PTCHD4: variants seen among roughly 807,000 people sequenced by gnomAD.
PTCHD4 encodes patched domain containing 4, also known as patched domain-containing protein 4.
In PTCHD4, 33 loss-of-function variants were observed where a neutral mutation model predicts 58.1. That is an observed-to-expected ratio of 0.57 (90% CI 0.43 to 0.76). The LOEUF is 0.76. Among genes scored for constraint, PTCHD4 ranks in the 30% least tolerant of loss-of-function variants. The pLI, the probability that PTCHD4 is intolerant of heterozygous loss-of-function variation, is 0.00. For missense variants in PTCHD4, 1,058 were observed against 1,027.1 expected (o/e 1.03, Z -0.41); for synonymous variants, 478 against 409.6 (o/e 1.17, Z -2.02).
chr6:47,937,620 A>C (rs542338900), intron 4 of PTCHD4, among the ~76,000 whole-genome samples: 1 of 152,178 alleles, frequency 6.6e-6, no homozygotes, highest in Non-Finnish European at 1.5e-5. Context: ...GAGGTTCAGG[A>C]CATAGGTTTG....
chr6:48,063,769 C>G (rs1764707753), intron 3 of PTCHD4, among the ~76,000 whole-genome samples: 1 of 152,114 alleles, frequency 6.6e-6, no homozygotes, highest in Non-Finnish European at 1.5e-5. Flanking sequence ...AAGCTTAAAT[C>G]AAAATATCAG....
Position 47,878,495 on chromosome 6 carries a change from T to TG in PTCHD4, c.2339dup (p.Leu781ThrfsTer49). The TG allele has an allele frequency of 6.2e-7, 1 of 1,613,374 alleles. No individual in the cohort carries two copies. The highest frequency in any genetic ancestry group is 1.1e-5 in the South Asian group (1 of 91,052). On this transcript the variant is annotated frameshift_variant, in exon 5 of 5. Transcript: ENST00000339488. LOFTEE classifies it high-confidence loss of function. ...CAGTGAGCAGCAAGCATTTGAACAGTGTGAAGGTCAGGTTCGAAGGCACAA... is the reference window on the plus strand; with the variant it reads ...CAGTGAGCAGCAAGCATTTGAACAGTGGTGAAGGTCAGGTTCGAAGGCACAA...
intron 3 of PTCHD4, among the ~76,000 whole-genome samples, chr6:48,011,424 T>C (rs1762669423): frequency 6.7e-6 from 1 of 148,648 alleles, no homozygotes; most frequent in Admixed American, 6.7e-5. Flanking sequence ...TTTTGATGTT[T>C]TTTTTTCTTG....
At chr6:47,898,552 A>C (rs866845711) in intron 4 of PTCHD4, among the ~76,000 whole-genome samples, 1 of 152,208 alleles carries the variant, frequency 6.6e-6, no homozygotes, top group Non-Finnish European at 1.5e-5. Flanking sequence ...AAATTCAGCA[A>C]CAATTAAATG....
At chr6:47,882,693 CAGTT>C (rs1311147425) in intron 4 of PTCHD4, among the ~76,000 whole-genome samples, 2 of 135,494 alleles carry the variant, frequency 1.5e-5, no homozygotes, top group African/African-American at 5.2e-5. Context: ...TGTTAAGGGT[CAGTT>C]AAAGTCTCCT....
At chr6:48,036,029 T>C (rs1763622133) in intron 3 of PTCHD4, among the ~76,000 whole-genome samples, 1 of 152,116 alleles carries the variant, frequency 6.6e-6, no homozygotes, top group Non-Finnish European at 1.5e-5. Context: ...AATAACATTT[T>C]TTTTTTAACA....
intron 4 of PTCHD4, among the ~76,000 whole-genome samples, chr6:47,923,080 G>C (rs182052321): frequency 7.7e-4 from 117 of 152,282 alleles, no homozygotes; most frequent in African/African-American, 2.7e-3. Context: ...GGAGTATAGA[G>C]AGAAAGTGAT....
rs1763748409 is a variant in PTCHD4, at chr6:47,872,675, G to A, written c.*5628C>T. Among the ~76,000 whole-genome samples, 1 of 151,538 alleles carries A rather than the reference G, an allele frequency of 6.6e-6. No individual in the cohort carries two copies. The highest frequency in any genetic ancestry group is 6.6e-5 in the Admixed American group (1 of 15,166). ...AGCTGGCTTTCTATAATTTAAGATA[G>A]TGCAAAATCAGTGATAGTTTCCTTT... On this transcript the variant is annotated 3_prime_UTR_variant, in exon 5 of 5. Coordinates refer to ENST00000339488, the MANE Select transcript of PTCHD4 (RefSeq NM_001384253.1).
In PTCHD4 at chr6:47,947,124, C is replaced by T. The variant is rs574261716; in HGVS notation, c.898+61510G>A. Among the ~76,000 whole-genome samples, 316 of 152,178 alleles carry T rather than the reference C, an allele frequency of 2.1e-3. 4 individuals carry two copies. The highest frequency in any genetic ancestry group is 6.9e-3 in the African/African-American group (287 of 41,536). Reference sequence around the variant, plus strand: ...TACTGGGATTACAGGTGTGAGCTACCATGCTTGGCCCTATTTCTTTATTTT... The same window carrying T: ...TACTGGGATTACAGGTGTGAGCTACTATGCTTGGCCCTATTTCTTTATTTT... On this transcript the variant is annotated intron_variant, in intron 4 of 4. Coordinates refer to ENST00000339488, the MANE Select transcript of PTCHD4 (RefSeq NM_001384253.1).
intron 3 of PTCHD4, among the ~76,000 whole-genome samples, chr6:48,050,046 A>G (rs145970140): frequency 3.9e-5 from 6 of 152,092 alleles, no homozygotes; most frequent in African/African-American, 1.4e-4. Context: ...AGGTATCAAC[A>G]TGGCTTATTA....
At chr6:47,911,610 T>C (rs890823157) in intron 4 of PTCHD4, among the ~76,000 whole-genome samples, 4 of 152,122 alleles carry the variant, frequency 2.6e-5, no homozygotes, top group African/African-American at 7.2e-5. Flanking sequence ...AGTGATGACA[T>C]TGACTGAATT....
intron 4 of PTCHD4, among the ~76,000 whole-genome samples, chr6:48,004,948 AT>A (rs1264501947): frequency 6.6e-6 from 1 of 152,162 alleles, no homozygotes; most frequent in Admixed American, 6.6e-5. Flanking sequence ...GAATTTTGGA[AT>A]TCTTTCTGAA....
intron 4 of PTCHD4, among the ~76,000 whole-genome samples, chr6:47,955,310 G>C (rs1451617024): frequency 6.6e-6 from 1 of 152,194 alleles, no homozygotes; most frequent in African/African-American, 2.4e-5. Context: ...TACAGCTGGA[G>C]ATATCTTATT....
intron 3 of PTCHD4, among the ~76,000 whole-genome samples, chr6:48,059,634 T>TCAAACAAACAAACAAA (rs146823585): frequency 2.6e-5 from 4 of 151,388 alleles, no homozygotes; most frequent in Non-Finnish European, 4.4e-5. Flanking sequence ...TGAGACTGTC[T>TCAAACAAACAAACAAA]CAAACAAACA....
At chr6:48,007,182 G>T (rs1762467360) in intron 4 of PTCHD4, among the ~76,000 whole-genome samples, 1 of 152,152 alleles carries the variant, frequency 6.6e-6, no homozygotes, top group Non-Finnish European at 1.5e-5. Context: ...AGAGGTTGCA[G>T]TGAGTTGAGA....
intron 4 of PTCHD4, among the ~76,000 whole-genome samples, chr6:47,892,961 C>G (rs893508603): frequency 6.6e-6 from 1 of 152,172 alleles, no homozygotes; most frequent in African/African-American, 2.4e-5. Flanking sequence ...AATTAATCAA[C>G]CAGAACTTCC....
intron 4 of PTCHD4, among the ~76,000 whole-genome samples, chr6:47,964,042 T>C (rs1163482405): frequency 1.3e-5 from 2 of 152,160 alleles, no homozygotes; most frequent in Non-Finnish European, 1.5e-5. Flanking sequence ...ATGAGGATAA[T>C]GCTGTTGTAT....
chr6:47,983,257 T>A (rs1307389222), intron 4 of PTCHD4, among the ~76,000 whole-genome samples: 2 of 152,178 alleles, frequency 1.3e-5, no homozygotes, highest in African/African-American at 4.8e-5. Flanking sequence ...TTTTTTTTGT[T>A]CCTGCAGTAG....
At chr6:47,983,581 A>G (rs1767961596) in intron 4 of PTCHD4, among the ~76,000 whole-genome samples, 1 of 152,218 alleles carries the variant, frequency 6.6e-6, no homozygotes, top group South Asian at 2.1e-4. Context: ...TAGTGCAACC[A>G]TATGACAAAA....
Sources: gnomAD v4.1 joint callset for allele counts (sites outside exome capture counted in the v4.1 genomes callset) on GRCh38, gnomAD v4.1.1 for gene constraint, MANE v1.5 for transcripts, NCBI Gene and HGNC (gene_info 2026-07-23, HGNC 2026-07-21) for gene names.